Variants in NLRP11 observed in about 807,000 individuals in gnomAD.
NLRP11 encodes the protein NACHT, LRR and PYD domains-containing protein 11.
A neutral mutation model predicts 79.3 loss-of-function variants in NLRP11; 53 were observed. The ratio of observed to expected loss-of-function variants is 0.67; its 90% CI spans 0.54 to 0.84. The LOEUF is 0.84. Among genes scored for constraint, NLRP11 ranks in the 40% least tolerant of loss-of-function variants. NLRP11 has a pLI of 0.00. For synonymous variants in NLRP11, 518 were observed against 462.6 expected, an observed-to-expected ratio of 1.12 and a Z score of -1.54; for missense variants, 1,264 against 1,255.0, an observed-to-expected ratio of 1.01 and a Z score of -0.11.
intron 7 of NLRP11, among the ~76,000 whole-genome samples, 197 bp from the exon 8 acceptor site, chr19:55,789,596 C>T (rs1253859103): frequency 6.6e-6 from 1 of 152,220 alleles, no homozygotes. Flanking sequence ...GCACATTAAA[C>T]TCACAATGAT....
chr19:55,828,842 G>A (rs1378188093), intron 1 of NLRP11, among the ~76,000 whole-genome samples: 2 of 152,094 alleles, frequency 1.3e-5, no homozygotes, highest in Non-Finnish European at 2.9e-5. Context: ...TCGTGACTCT[G>A]GGGCTTAATA....
intron 1 of NLRP11, among the ~76,000 whole-genome samples, chr19:55,823,041 T>C (rs1981942219): frequency 1.3e-5 from 2 of 149,066 alleles, no homozygotes; most frequent in South Asian, 2.1e-4. Context: ...GAGCAGTGGT[T>C]CTCCCAGCAC....
chr19:55,821,249 A>ACACCCC (rs1443325918), intron 1 of NLRP11, among the ~76,000 whole-genome samples: 1 of 124,378 alleles, frequency 8.0e-6, no homozygotes, highest in African/African-American at 2.9e-5. Context: ...ACACACACAC[A>ACACCCC]CCCCAAGCAC....
rs1435970905 is a variant in NLRP11 at position 55,808,754 on chromosome 19, T to G, written c.1841+15A>C. The G allele has an allele frequency of 6.3e-7, 1 of 1,581,844 alleles. No homozygotes were observed. The highest frequency in any genetic ancestry group is 1.4e-5 in the African/African-American group (1 of 73,576). Reference sequence around the variant, plus strand: ...TAGGAAGACAGGAAAGAGGATTTATTTTTTAAAGACTCACCTAGCAGTTGG... The same window carrying G: ...TAGGAAGACAGGAAAGAGGATTTATGTTTTAAAGACTCACCTAGCAGTTGG... On this transcript the variant is annotated intron_variant, in intron 3 of 9. Coordinates refer to ENST00000589093, the Ensembl canonical transcript of NLRP11.
At chr19:55,816,278 A>T (rs1981106092) in intron 2 of NLRP11, among the ~76,000 whole-genome samples, 1 of 152,232 alleles carries the variant, frequency 6.6e-6, no homozygotes. Flanking sequence ...AACTATAATG[A>T]GACACAAAGA....
At chr19:55,810,315 C>T (rs777306565) in exon 3 of NLRP11, 2 of 1,611,360 alleles carry the variant, frequency 1.2e-6, no homozygotes, top group Non-Finnish European at 8.5e-7. Flanking sequence ...CTCCTCATGA[C>T]AGCTTTGCAT....
At chr19:55,810,010 A>C (rs767388961) in exon 3 of NLRP11, 1 of 1,614,188 alleles carries the variant, frequency 6.2e-7, no homozygotes, top group East Asian at 2.2e-5. Flanking sequence ...CGATTAGCTC[A>C]GCCAAGCTGC....
intron 5 of NLRP11, 94 bp downstream of exon 5, chr19:55,801,478 G>A (rs1979468316): frequency 1.1e-6 from 1 of 905,538 alleles, no homozygotes; most frequent in Non-Finnish European, 1.7e-6. Context: ...TCAAAAGGTA[G>A]GAGCAGGTAG....
upstream of NLRP11, among the ~76,000 whole-genome samples, chr19:55,833,611 A>T (rs7246427): frequency 0.12 from 17,986 of 151,448 alleles, 1,272 homozygotes; most frequent in African/African-American, 0.19. Flanking sequence ...CCAAAAATAT[A>T]AAAAAATTTA....
At chr19:55,835,138 A>G (rs1983125117), upstream of NLRP11, among the ~76,000 whole-genome samples, 1 of 152,048 alleles carries the variant, frequency 6.6e-6, no homozygotes, top group African/African-American at 2.4e-5. Context: ...GTTTCTCTGC[A>G]CTCCTTGATG....
Position 55,829,648 on chromosome 19 carries a change from G to C in NLRP11, c.-63+2315C>G, listed in dbSNP as rs549464569. On this transcript the variant is annotated intron_variant, in intron 1 of 9. Coordinates refer to ENST00000589093, the Ensembl canonical transcript of NLRP11. Reference sequence around the variant, plus strand: ...CGCCACTGCACTCCAGCCTGGGCGAGACTCCGTCTCAAAAAAAAAAAAAAA... The same window carrying C: ...CGCCACTGCACTCCAGCCTGGGCGACACTCCGTCTCAAAAAAAAAAAAAAA... 2.5e-4 allele frequency among the ~76,000 whole-genome samples: 28 copies of C among 112,446 alleles called. 1 individual carries two copies. The highest frequency in any genetic ancestry group is 2.4e-3 in the East Asian group (9 of 3,746). 73.8% of individuals were successfully genotyped at this position (112,446 alleles called of 152,430 possible).
intron 7 of NLRP11, among the ~76,000 whole-genome samples, chr19:55,791,920 G>A (rs1568627332): frequency 6.6e-6 from 1 of 152,098 alleles, no homozygotes; most frequent in Non-Finnish European, 1.5e-5. Flanking sequence ...ACAGAAAGAT[G>A]CCCCCATGAT....
chr19:55,809,764 C>G lies in NLRP11; in HGVS notation c.846G>C (p.Gly282=), dbSNP rs752709910. Residue 282 remains glycine, a synonymous_variant, in exon 3 of 10, where the codon GGG becomes GGC. Coordinates refer to ENST00000589093, the Ensembl canonical transcript of NLRP11. The surrounding 1 kb of genome is among the most constrained non-coding windows in gnomAD (Gnocchi z 4.5). The stretch of plus-strand genomic sequence containing the variant: ...CTTTCAAGAACGTTTTTACATTATT[C>G]CCACGTGTGGGCCTTGAGGAGATGA... 13 of 1,614,050 alleles carry G rather than the reference C, an allele frequency of 8.1e-6. No homozygotes were observed. Among genetic ancestry groups the G allele is most frequent in the Admixed American group, 1.7e-5 (1 of 60,002 alleles).
At chr19:55,829,115 G>A (rs953540276) in intron 1 of NLRP11, among the ~76,000 whole-genome samples, 1 of 152,048 alleles carries the variant, frequency 6.6e-6, no homozygotes, top group African/African-American at 2.4e-5. Flanking sequence ...GGTATGAAAT[G>A]TTGGTGTAAA....
chr19:55,789,524 A>C, intron 7 of NLRP11, 125 bp from the exon 8 acceptor site: 1 of 837,768 alleles, frequency 1.2e-6, no homozygotes, highest in Non-Finnish European at 1.9e-6. Context: ...TACAGAAACA[A>C]GAGCAGTGTT....
At chr19:55,799,996 G>T (rs1600181773) in intron 5 of NLRP11, among the ~76,000 whole-genome samples, 1 of 152,152 alleles carries the variant, frequency 6.6e-6, no homozygotes, top group Non-Finnish European at 1.5e-5. Flanking sequence ...AAAACAAAAA[G>T]AAAGGGATGA....
chr19:55,821,541 C>T (rs563868271), intron 1 of NLRP11, among the ~76,000 whole-genome samples: 15 of 152,262 alleles, frequency 9.9e-5, no homozygotes, highest in African/African-American at 3.6e-4. Flanking sequence ...CACAGGGTAA[C>T]AGGAAATAGC....
At chr19:55,813,535 G>T (rs542432942) in intron 2 of NLRP11, among the ~76,000 whole-genome samples, 1 of 152,160 alleles carries the variant, frequency 6.6e-6, no homozygotes. Context: ...TTACTACTGC[G>T]ATATGTCGAG....
chr19:55,790,300 G>A (rs1990159567), intron 7 of NLRP11, among the ~76,000 whole-genome samples: 2 of 152,168 alleles, frequency 1.3e-5, no homozygotes, highest in South Asian at 4.1e-4. Flanking sequence ...GGCTTCACCG[G>A]CCATGGTGCC....
Sources: allele counts gnomAD v4.1 joint callset (sites outside exome capture counted in the v4.1 genomes callset), GRCh38; gene constraint gnomAD v4.1.1; non-coding constraint Gnocchi (gnomAD v3.1); transcripts MANE v1.5; gene names NCBI Gene and HGNC (gene_info 2026-07-23, HGNC 2026-07-21).